The following BICD2 variants were observed in gnomAD, a reference collection of about 807,000 sequenced individuals.
BICD2 encodes the protein protein bicaudal D homolog 2.
Under a neutral mutation model 72.9 loss-of-function variants are expected in BICD2, and 25 were observed. The ratio of observed to expected loss-of-function variants is 0.34; its 90% CI spans 0.25 to 0.48. The LOEUF (loss-of-function observed/expected upper bound fraction) is 0.48, where lower values mean the gene tolerates loss of function less well. BICD2 is among the 20% of genes least tolerant of loss of function. BICD2 has a pLI of 0.99. For synonymous variants in BICD2, 501 were observed against 516.1 expected (o/e 0.97, Z 0.40); for missense variants, 894 against 1,175.2 (o/e 0.76, Z 3.50).
At chr9:92,752,516 C>A (rs1167621501) in intron 1 of BICD2, among the ~76,000 whole-genome samples, 1 of 152,096 alleles carries the variant, frequency 6.6e-6, no homozygotes, top group Non-Finnish European at 1.5e-5. Flanking sequence ...GCCTGGAATC[C>A]CAGCACTTTA....
chr9:92,715,830 C>G (rs1038019311), intron 6 of BICD2, among the ~76,000 whole-genome samples: 2 of 152,158 alleles, frequency 1.3e-5, no homozygotes, highest in East Asian at 1.9e-4. Context: ...GCGCTCTCCC[C>G]GCTTAAAGGC....
rs200999144 is a variant in BICD2 at position 92,713,494 on chromosome 9, C to T, written c.*1660G>A. The T allele has an allele frequency of 8.3e-5, 132 of 1,582,586 alleles. No homozygotes were observed. Among genetic ancestry groups the T allele is most frequent in the Middle Eastern group, 4.5e-4 (2 of 4,484 alleles). ...CGGGAGAAAAGAGAGCGTTAGAAAG[C>T]GGTCATCTGTCGCTTCCTGTTTATC... On this transcript the variant is annotated 3_prime_UTR_variant, in exon 7 of 7. Coordinates refer to ENST00000356884, the MANE Select transcript of BICD2 (RefSeq NM_001003800.2).
intron 1 of BICD2, among the ~76,000 whole-genome samples, chr9:92,761,333 C>T (rs778139399): frequency 5.9e-5 from 9 of 152,176 alleles, no homozygotes; most frequent in Non-Finnish European, 1.3e-4. Flanking sequence ...AGATTCAGTC[C>T]GCAGAAGACC....
chr9:92,753,355 T>C (rs1854188084), intron 1 of BICD2, among the ~76,000 whole-genome samples: 1 of 152,196 alleles, frequency 6.6e-6, no homozygotes, highest in Non-Finnish European at 1.5e-5. Flanking sequence ...AATAATGCCA[T>C]GATATTGGTT....
chr9:92,729,858 G>A (rs1459366320), intron 1 of BICD2, among the ~76,000 whole-genome samples: 2 of 152,242 alleles, frequency 1.3e-5, no homozygotes, highest in East Asian at 3.8e-4. Flanking sequence ...GGGGCGCGGG[G>A]GCTGCACGTG....
chr9:92,713,771 C>A lies in BICD2; in HGVS notation c.*1383G>T. 7.8e-7 allele frequency: 1 copy of A among 1,279,592 alleles called. No homozygotes were observed. Among genetic ancestry groups the A allele is most frequent in the Admixed American group, 3.4e-5 (1 of 29,712 alleles). 79.3% of individuals were successfully genotyped at this position (1,279,592 alleles called of 1,614,324 possible). ...GGGCCCAGGATGAACACGCAGGGGA[C>A]ATACATGGGCGTGTCCTGGAGTCTG... On this transcript the variant is annotated 3_prime_UTR_variant, in exon 7 of 7. Coordinates refer to ENST00000356884, the MANE Select transcript of BICD2 (RefSeq NM_001003800.2).
chr9:92,719,580 C>T lies in BICD2; in HGVS notation c.1065G>A (p.Met355Ile), dbSNP rs773079689. 17 of 1,599,754 alleles carry T rather than the reference C, an allele frequency of 1.1e-5. No individual in the cohort carries two copies. The highest frequency in any genetic ancestry group is 1.4e-5 in the Non-Finnish European group (17 of 1,174,940). ...CCAGCAGGCCCGCCTTTTCCCGCTCCATCTGCAAAGGCACAGGCAGCAGGA... is the reference window on the plus strand; with the variant it reads ...CCAGCAGGCCCGCCTTTTCCCGCTCTATCTGCAAAGGCACAGGCAGCAGGA... ...IQKLKQQLMQ[M>I]EREKAGLLAT... Residue 355 changes from methionine (M) to isoleucine (I), a missense_variant and splice_region_variant, in exon 5 of 7, where the codon ATG (methionine) becomes ATA (isoleucine). Around this residue, in one of 5 missense-constraint regions of BICD2, gnomAD observed 371 missense variants for 439.1 expected, o/e 0.84. Transcript: ENST00000356884.
At chr9:92,738,111 C>T (rs960906131) in intron 1 of BICD2, among the ~76,000 whole-genome samples, 12 of 152,220 alleles carry the variant, frequency 7.9e-5, no homozygotes, top group African/African-American at 2.4e-4. Flanking sequence ...CCTGGGCCCA[C>T]GTCCTGGCTC....
rs533296367 is a variant in BICD2, at chr9:92,729,519, G to A, written c.241-283C>T. Among the ~76,000 whole-genome samples, 30 of 152,392 alleles carry A rather than the reference G, an allele frequency of 2.0e-4. No homozygotes were observed. In the South Asian group the frequency reaches 5.8e-3, roughly 29 times the overall value. On this transcript the variant is annotated intron_variant, in intron 1 of 6. Coordinates refer to ENST00000356884, the MANE Select transcript of BICD2 (RefSeq NM_001003800.2). ...TGTCTGCACTGGCAAGACAAGTGCT[G>A]GAGTCAGGGAGCTACAGTGGGCATG...
rs114975170 is a variant in BICD2, at chr9:92,749,967, G to A, written c.240+14538C>T. The stretch of plus-strand genomic sequence containing the variant: ...ACAGCAGTCTGGGCCAGGCTGGGCT[G>A]AAAGCCACAGGAGAGCATGGCTGCA... On this transcript the variant is annotated intron_variant, in intron 1 of 6. Transcript: ENST00000356884. Among the ~76,000 whole-genome samples, 1,077 of 152,390 alleles carry A rather than the reference G, an allele frequency of 7.1e-3. 12 individuals are homozygous for A. Among genetic ancestry groups the A allele is most frequent in the African/African-American group, 0.022 (908 of 41,596 alleles).
rs926527267 is a variant in BICD2, at chr9:92,712,022, A to G, written c.*3132T>C. The stretch of plus-strand genomic sequence containing the variant: ...AGTGATTAGTTACACCAAGCAAGAG[A>G]AGATATAATGTCTCGCTTTCACATT... On this transcript the variant is annotated 3_prime_UTR_variant, in exon 7 of 7. Transcript: ENST00000356884. 3.9e-5 allele frequency: 6 copies of G among 152,570 alleles called. No homozygotes were observed. Among genetic ancestry groups the G allele is most frequent in the African/African-American group, 1.4e-4 (6 of 41,414 alleles). The allele number at this position is 152,570 out of a possible 1,614,324, so 9.5% of individuals were successfully genotyped here.
intron 1 of BICD2, among the ~76,000 whole-genome samples, chr9:92,730,383 G>C (rs191341672): frequency 2.6e-5 from 4 of 152,276 alleles, no homozygotes; most frequent in African/African-American, 9.6e-5. Flanking sequence ...CAAGAAAATA[G>C]GGAAAATGTA....
chr9:92,736,431 G>A (rs1455546672), intron 1 of BICD2, among the ~76,000 whole-genome samples: 1 of 152,210 alleles, frequency 6.6e-6, no homozygotes, highest in Non-Finnish European at 1.5e-5. Flanking sequence ...ATGTCTGGAA[G>A]TTACCTACAT....
intron 1 of BICD2, among the ~76,000 whole-genome samples, chr9:92,740,090 T>C (rs1386175467): frequency 6.6e-6 from 1 of 152,170 alleles, no homozygotes. Flanking sequence ...AACAGCCTAG[T>C]ACAAAATACA....
At chr9:92,759,772 A>C (rs1358459899) in intron 1 of BICD2, among the ~76,000 whole-genome samples, 1 of 152,220 alleles carries the variant, frequency 6.6e-6, no homozygotes, top group Non-Finnish European at 1.5e-5. Context: ...TCTGAGAAGA[A>C]ACCAAATCTT....
chr9:92,750,941 C>T (rs1234555797), intron 1 of BICD2, among the ~76,000 whole-genome samples: 1 of 151,960 alleles, frequency 6.6e-6, no homozygotes, highest in Non-Finnish European at 1.5e-5. Context: ...GAGATAGAGT[C>T]GCTCTGTTGC....
intron 1 of BICD2, among the ~76,000 whole-genome samples, chr9:92,748,919 C>T (rs936076106): frequency 6.6e-6 from 1 of 152,128 alleles, no homozygotes; most frequent in Non-Finnish European, 1.5e-5. Context: ...GACCATAAGG[C>T]TTCTCACTCC....
At chr9:92,750,453 G>GA (rs200390644) in intron 1 of BICD2, among the ~76,000 whole-genome samples, 45 of 139,410 alleles carry the variant, frequency 3.2e-4, no homozygotes, top group African/African-American at 4.6e-4. Flanking sequence ...TGTGATTTAA[G>GA]AAAAAAAAAA....
At chr9:92,734,459 A>T (rs1228799728) in intron 1 of BICD2, among the ~76,000 whole-genome samples, 1 of 149,616 alleles carries the variant, frequency 6.7e-6, no homozygotes, top group Non-Finnish European at 1.5e-5. Flanking sequence ...GGTTCCAGTG[A>T]GTCATGATCG....
Sources: gnomAD v4.1 joint callset for allele counts (sites outside exome capture counted in the v4.1 genomes callset) on GRCh38, gnomAD v4.1.1 for gene constraint, gnomAD v4.1.1 regional missense constraint, MANE v1.5 for transcripts, NCBI Gene and HGNC (gene_info 2026-07-23, HGNC 2026-07-21) for gene names.